DMD: variants seen among roughly 807,000 people sequenced by gnomAD.
The protein encoded by DMD is mutant dystrophin.
DMD carries 63 observed loss-of-function variants against 330.1 expected under a neutral mutation model. The observed-to-expected ratio is 0.19, with a 90% confidence interval of 0.16 to 0.24. The LOEUF is 0.24. DMD is among the 10% of genes least tolerant of loss of function. The pLI, the probability that DMD is intolerant of heterozygous loss-of-function variation, is 1.00. For missense variants in DMD, 3,344 were observed against 2,684.1 expected, an observed-to-expected ratio of 1.25 and a Z score of -5.43; for synonymous variants, 1,223 against 959.8, an observed-to-expected ratio of 1.27 and a Z score of -5.07.
chrX:31,491,575 G>A (rs897115224), intron 57 of DMD, among the ~76,000 whole-genome samples: 1 of 111,959 alleles, frequency 8.9e-6, no homozygotes, highest in East Asian at 2.8e-4. Context: ...ACACTTCACC[G>A]CATCTGGAGC....
chrX:32,878,931 C>G (rs1349699303), intron 2 of DMD, among the ~76,000 whole-genome samples: 1 of 107,881 alleles, frequency 9.3e-6, no homozygotes, highest in Non-Finnish European at 1.9e-5. Flanking sequence ...TTGCTTGAAC[C>G]CGGGAGGCGG....
At chrX:33,074,414 T>TA (rs2094807230) in intron 1 of DMD, among the ~76,000 whole-genome samples, 1 of 81,637 alleles carries the variant, frequency 1.2e-5, no homozygotes, top group Admixed American at 1.5e-4. Flanking sequence ...TTTAACACTA[T>TA]ATTTTTTTTT....
At chrX:32,660,105 A>G (rs1426471595) in intron 9 of DMD, among the ~76,000 whole-genome samples, 1 of 111,377 alleles carries the variant, frequency 9.0e-6, no homozygotes, top group Non-Finnish European at 1.9e-5. Flanking sequence ...ATAGACAACT[A>G]AAGCTTTTGA....
At chrX:32,845,010 C>T (rs750697943) in intron 3 of DMD, 150 bp from the exon 4 acceptor site, 30 of 526,184 alleles carry the variant, frequency 5.7e-5, no homozygotes, top group Non-Finnish European at 8.5e-5. Context: ...AAATACTTTG[C>T]GCTAATTGTC....
At chrX:32,813,323 G>T (rs1482290301) in intron 6 of DMD, among the ~76,000 whole-genome samples, 2 of 111,594 alleles carry the variant, frequency 1.8e-5, no homozygotes, top group Non-Finnish European at 3.8e-5. Context: ...TGTTAACCTG[G>T]ACCATAATTT....
At chrX:31,796,448 T>C (rs1187998419) in intron 50 of DMD, among the ~76,000 whole-genome samples, 1 of 112,132 alleles carries the variant, frequency 8.9e-6, no homozygotes, top group African/African-American at 3.2e-5. Context: ...GTAAGAGGAA[T>C]AGATTTTCAG....
chrX:32,188,066 C>T (rs1051951553), intron 44 of DMD, among the ~76,000 whole-genome samples: 4 of 110,431 alleles, frequency 3.6e-5, no homozygotes, highest in Admixed American at 9.7e-5. Flanking sequence ...CAAATGCAGG[C>T]GTAACATCTA....
At position 32,706,029 on chromosome X, in the gene DMD, T is replaced by G. The variant is rs2064600095; in HGVS notation, c.650-6736A>C. ...AAGAAAATGTGGCATATATGCACCA[T>G]GGAATACTATGCAGTCATAAAAAAG... On this transcript the variant is annotated intron_variant, in intron 7 of 78. Transcript: ENST00000357033. Among the ~76,000 whole-genome samples, 5 of 108,531 alleles carry G rather than the reference T, an allele frequency of 4.6e-5. No individual in the cohort carries two copies. In the Admixed American group the frequency reaches 5.0e-4, roughly 11 times the overall value. The allele number at this position is 108,531 out of a possible 115,157, so 94.2% of individuals were successfully genotyped here.
intron 11 of DMD, among the ~76,000 whole-genome samples, chrX:32,634,850 T>C (rs2058984387): frequency 8.9e-6 from 1 of 111,965 alleles, no homozygotes; most frequent in African/African-American, 3.2e-5. Flanking sequence ...CCCCAGCGGA[T>C]GTCTCACTAG....
At chrX:32,499,069 AC>A (rs1306238607) in intron 19 of DMD, among the ~76,000 whole-genome samples, 1 of 112,164 alleles carries the variant, frequency 8.9e-6, no homozygotes, top group Non-Finnish European at 1.9e-5. Context: ...TGTCTGATGT[AC>A]CATTTCAGGT....
chrX:31,150,240 C>T (rs1056370883), intron 74 of DMD, among the ~76,000 whole-genome samples: 5 of 111,831 alleles, frequency 4.5e-5, no homozygotes, highest in Non-Finnish European at 7.5e-5. Context: ...AGAAGATCCT[C>T]GTTGTTCTTG....
intron 11 of DMD, among the ~76,000 whole-genome samples, chrX:32,629,389 T>C (rs749280834): frequency 5.4e-5 from 6 of 111,937 alleles, no homozygotes; most frequent in Non-Finnish European, 1.1e-4. Flanking sequence ...CCCTTTATTT[T>C]CAGTCTATCT....
At chrX:32,166,166 C>A (rs761258018) in intron 44 of DMD, among the ~76,000 whole-genome samples, 48 of 111,455 alleles carry the variant, frequency 4.3e-4, no homozygotes, top group African/African-American at 1.5e-3. Context: ...TATAAAACAT[C>A]AATTTCGGCT....
Position 32,561,336 on chromosome X carries a change from G to A in DMD, c.1992+4366C>T, listed in dbSNP as rs141683114. Among the ~76,000 whole-genome samples the A allele has an allele frequency of 5.8e-4, 64 of 111,174 alleles. No individual in the cohort carries two copies. In the East Asian group the frequency reaches 0.013, roughly 22 times the overall value. ...GAATGACCTGATAGAGCTGAGAAACGCAATACGACAACTCCACAATGAAAT... is the reference window on the plus strand; with the variant it reads ...GAATGACCTGATAGAGCTGAGAAACACAATACGACAACTCCACAATGAAAT... On this transcript the variant is annotated intron_variant, in intron 16 of 78. Transcript: ENST00000357033.
At chrX:32,332,075 T>C (rs905071884) in intron 41 of DMD, among the ~76,000 whole-genome samples, 24 of 111,919 alleles carry the variant, frequency 2.1e-4, no homozygotes, top group Non-Finnish European at 4.0e-4. Context: ...TGTATACTTC[T>C]ATCGATTTAA....
chrX:31,840,962 G>T (rs1283273831), intron 48 of DMD, among the ~76,000 whole-genome samples: 1 of 111,107 alleles, frequency 9.0e-6, no homozygotes, highest in Non-Finnish European at 1.9e-5. Flanking sequence ...AACAAGAGTT[G>T]CATGTCTCTC....
At chrX:32,684,073 A>T (rs1444552785) in intron 9 of DMD, among the ~76,000 whole-genome samples, 1 of 108,295 alleles carries the variant, frequency 9.2e-6, no homozygotes, top group African/African-American at 3.4e-5. Flanking sequence ...TACATAATGG[A>T]TTTAGAGTTC....
At chrX:32,400,010 G>A (rs2098074843) in intron 30 of DMD, among the ~76,000 whole-genome samples, 1 of 111,397 alleles carries the variant, frequency 9.0e-6, no homozygotes, top group African/African-American at 3.3e-5. Flanking sequence ...TAGGAGTGGT[G>A]AGAGAGGGCA....
chrX:32,256,594 T>G, intron 43 of DMD, among the ~76,000 whole-genome samples: 2 of 111,271 alleles, frequency 1.8e-5, no homozygotes, highest in Middle Eastern at 4.6e-3. Flanking sequence ...TTGAGGCAGT[T>G]TCTTCATAGG....
Sources: gnomAD v4.1 joint callset for allele counts (sites outside exome capture counted in the v4.1 genomes callset) on GRCh38, gnomAD v4.1.1 for gene constraint, MANE v1.5 for transcripts, NCBI Gene and HGNC (gene_info 2026-07-23, HGNC 2026-07-21) for gene names.